The following GPC6 variants were observed in gnomAD, a reference collection of about 807,000 sequenced individuals.
The protein encoded by GPC6 is glypican 6.
Under a neutral mutation model 55.2 loss-of-function variants are expected in GPC6, and 14 were observed. That is an observed-to-expected ratio of 0.25 (90% CI 0.17 to 0.40). GPC6 has a LOEUF of 0.40. Ranked by LOEUF, GPC6 falls within the 10% of genes least tolerant of loss-of-function variation. GPC6 has a pLI of 1.00. For synonymous variants in GPC6, 278 were observed against 259.6 expected, an observed-to-expected ratio of 1.07 and a Z score of -0.68; for missense variants, 641 against 708.5, an observed-to-expected ratio of 0.90 and a Z score of 1.08.
intron 2 of GPC6, among the ~76,000 whole-genome samples, chr13:93,702,312 G>A (rs1882698234): frequency 6.6e-6 from 1 of 151,866 alleles, no homozygotes; most frequent in Non-Finnish European, 1.5e-5. Flanking sequence ...CTAAATAGTA[G>A]GTCTCAACAG....
At chr13:93,906,803 A>C (rs1259707102) in intron 3 of GPC6, among the ~76,000 whole-genome samples, 5 of 152,178 alleles carry the variant, frequency 3.3e-5, no homozygotes, top group South Asian at 2.1e-4. Flanking sequence ...ACAAAGGGGG[A>C]TAAAACTCTG....
intron 4 of GPC6, among the ~76,000 whole-genome samples, chr13:94,201,664 A>G (rs953941653): frequency 6.6e-6 from 1 of 152,172 alleles, no homozygotes; most frequent in Non-Finnish European, 1.5e-5. Context: ...AGATGTCTAC[A>G]TAGCGGCCGG....
At chr13:93,830,114 G>A (rs746743868) in intron 2 of GPC6, 40 bp from the exon 3 acceptor site, 1 of 1,557,706 alleles carries the variant, frequency 6.4e-7, no homozygotes, top group Non-Finnish European at 8.8e-7. Context: ...GGGCTTTCTA[G>A]ATTTCATTAA....
At chr13:94,098,410 T>G (rs1175944737) in intron 4 of GPC6, among the ~76,000 whole-genome samples, 1 of 152,216 alleles carries the variant, frequency 6.6e-6, no homozygotes, top group East Asian at 1.9e-4. Context: ...CAATGTAAAT[T>G]GCTAGGTACA....
intron 3 of GPC6, among the ~76,000 whole-genome samples, chr13:93,846,001 A>T (rs899931256): frequency 6.6e-6 from 1 of 152,070 alleles, no homozygotes; most frequent in Non-Finnish European, 1.5e-5. Flanking sequence ...AAATAAATAA[A>T]TAAATAAATG....
intron 1 of GPC6, among the ~76,000 whole-genome samples, chr13:93,498,041 G>A (rs919022502): frequency 5.3e-5 from 8 of 152,202 alleles, no homozygotes; most frequent in Non-Finnish European, 8.8e-5. Flanking sequence ...TTGAGTCACT[G>A]AAGAGCTTAG....
chr13:93,855,815 A>G (rs139700864), intron 3 of GPC6, among the ~76,000 whole-genome samples: 2 of 151,664 alleles, frequency 1.3e-5, no homozygotes, highest in Admixed American at 1.3e-4. Flanking sequence ...TTGTTTGCTT[A>G]TTTGCCATTT....
chr13:94,137,003 A>C (rs896542879), intron 4 of GPC6, among the ~76,000 whole-genome samples: 1 of 152,186 alleles, frequency 6.6e-6, no homozygotes, highest in African/African-American at 2.4e-5. Flanking sequence ...GACTGATTGG[A>C]TTTGCGGGCA....
At chr13:93,270,428 T>A (rs1877479764) in intron 1 of GPC6, among the ~76,000 whole-genome samples, 3 of 152,026 alleles carry the variant, frequency 2.0e-5, no homozygotes, top group Admixed American at 1.3e-4. Flanking sequence ...TTATATAATA[T>A]CAAGGGTTCA....
intron 3 of GPC6, among the ~76,000 whole-genome samples, chr13:93,872,292 A>G (rs1281744938): frequency 2.0e-5 from 3 of 151,956 alleles, no homozygotes; most frequent in Non-Finnish European, 4.4e-5. Context: ...GCTTTTTAGT[A>G]TTTATCAAAC....
At chr13:93,634,307 C>T (rs1164568448) in intron 2 of GPC6, among the ~76,000 whole-genome samples, 6 of 152,144 alleles carry the variant, frequency 3.9e-5, no homozygotes, top group Admixed American at 2.6e-4. Context: ...CTTATGCATT[C>T]GACCACCTCC....
chr13:93,391,756 C>A (rs1272485683), intron 1 of GPC6, among the ~76,000 whole-genome samples: 1 of 152,050 alleles, frequency 6.6e-6, no homozygotes, highest in Admixed American at 6.5e-5. Flanking sequence ...GTGGCCTATA[C>A]TAAGGGGCAC....
At chr13:93,568,992 G>A (rs377617640) in intron 2 of GPC6, among the ~76,000 whole-genome samples, 1 of 152,222 alleles carries the variant, frequency 6.6e-6, no homozygotes, top group South Asian at 2.1e-4. Context: ...TCAAGTCCAG[G>A]CATAACTGCC....
chr13:94,283,377 A>C (rs1357544048), intron 4 of GPC6, among the ~76,000 whole-genome samples: 1 of 152,192 alleles, frequency 6.6e-6, no homozygotes, highest in African/African-American at 2.4e-5. Flanking sequence ...TTATACATTA[A>C]CTCCCAGCCA....
upstream of GPC6, among the ~76,000 whole-genome samples, chr13:93,224,483 C>G (rs1258328242): frequency 6.6e-6 from 1 of 152,170 alleles, no homozygotes; most frequent in Non-Finnish European, 1.5e-5. Flanking sequence ...CATGAGCCAC[C>G]GTGCCTGGCC....
intron 6 of GPC6, among the ~76,000 whole-genome samples, chr13:94,341,273 G>C (rs975210868): frequency 7.2e-5 from 11 of 152,080 alleles, no homozygotes; most frequent in African/African-American, 2.4e-4. Flanking sequence ...TAATGATGCA[G>C]TAAATATCAT....
intron 3 of GPC6, among the ~76,000 whole-genome samples, chr13:94,012,748 C>A (rs923775224): frequency 2.0e-5 from 3 of 152,130 alleles, no homozygotes; most frequent in Non-Finnish European, 4.4e-5. Context: ...AATGGCACAT[C>A]CCCTTACTTT....
At chr13:93,791,253 C>T (rs956185134) in intron 2 of GPC6, among the ~76,000 whole-genome samples, 3 of 152,146 alleles carry the variant, frequency 2.0e-5, no homozygotes, top group Non-Finnish European at 4.4e-5. Flanking sequence ...CTACTGTATG[C>T]CAGGAAGTTT....
At chr13:93,650,613 C>T (rs999279204) in intron 2 of GPC6, among the ~76,000 whole-genome samples, 8 of 152,156 alleles carry the variant, frequency 5.3e-5, no homozygotes, top group African/African-American at 1.9e-4. Flanking sequence ...AAATCCTGAC[C>T]ATAATAGGTA....
Sources: gnomAD v4.1 joint callset for allele counts (sites outside exome capture counted in the v4.1 genomes callset) on GRCh38, gnomAD v4.1.1 for gene constraint, MANE v1.5 for transcripts, NCBI Gene and HGNC (gene_info 2026-07-23, HGNC 2026-07-21) for gene names.